FNDC3B: variants seen among roughly 807,000 people sequenced by gnomAD.
FNDC3B encodes the protein fibronectin type III domain-containing protein 3B.
A neutral mutation model predicts 151.5 loss-of-function variants in FNDC3B; 12 were observed. That is an observed-to-expected ratio of 0.08 (90% CI 0.05 to 0.13). The LOEUF is 0.13. Ranked by LOEUF, FNDC3B falls within the 10% of genes least tolerant of loss-of-function variation. The probability of loss-of-function intolerance (pLI) is 1.00; values close to 1 mark genes in which losing one functional copy is unlikely to be tolerated. For synonymous variants in FNDC3B, 528 were observed against 549.0 expected, an observed-to-expected ratio of 0.96 and a Z score of 0.54; for missense variants, 1,214 against 1,505.3, an observed-to-expected ratio of 0.81 and a Z score of 3.20.
intron 6 of FNDC3B, among the ~76,000 whole-genome samples, chr3:172,254,278 G>A (rs1435843758): frequency 6.6e-6 from 1 of 151,850 alleles, no homozygotes; most frequent in Non-Finnish European, 1.5e-5. Context: ...CTATGCTTCA[G>A]AAACTTTAAA....
rs564808034 is a variant in FNDC3B at position 172,387,692 on chromosome 3, A to G, written c.3303+6599A>G. Among the ~76,000 whole-genome samples, 6 of 152,312 alleles carry G rather than the reference A, an allele frequency of 3.9e-5. No individual in the cohort carries two copies. The South Asian group carries it at 1.2e-3, about 32-fold the overall frequency. Reference sequence around the variant, plus strand: ...TACCTCTACTTAAAATTCATGTAAAATGAACTGATAGTCACTTTCATGGAG... The same window carrying G: ...TACCTCTACTTAAAATTCATGTAAAGTGAACTGATAGTCACTTTCATGGAG... On this transcript the variant is annotated intron_variant, in intron 25 of 25. Transcript: ENST00000415807.
intron 15 of FNDC3B, chr3:172,335,797 CTAAT>C (rs1054385754): frequency 2.0e-4 from 31 of 151,770 alleles, no homozygotes; most frequent in African/African-American, 7.5e-4. Flanking sequence ...ATAATATTAA[CTAAT>C]AGGCAAAAAA....
intron 4 of FNDC3B, among the ~76,000 whole-genome samples, chr3:172,229,901 C>G (rs1726797750): frequency 6.6e-6 from 1 of 152,074 alleles, no homozygotes; most frequent in South Asian, 2.1e-4. Flanking sequence ...CAAGACAGTT[C>G]ACTGGAGAAA....
chr3:172,362,733 T>C lies in FNDC3B; in HGVS notation c.2896T>C (p.Cys966Arg). The change falls in exon 23 of 26, where the codon TGT becomes CGT. Residue 966 changes from cysteine to arginine, a missense_variant. Physicochemically the swap from Cys to Arg is radical, Grantham distance 180. Coordinates refer to ENST00000415807, the MANE Select transcript of FNDC3B (RefSeq NM_022763.4). Reference protein sequence around the residue: ...PLPPLPPRLECAAAGPQSLKL... With the variant: ...PLPPLPPRLERAAAGPQSLKL... ...ACCACCCTTGCCTCCTAGGCTAGAA[T>C]GTGCTGCTGCTGGTCCTCAGAGCCT... 6.2e-7 allele frequency: 1 copy of C among 1,614,076 alleles called. No individual in the cohort carries two copies. Among genetic ancestry groups the C allele is most frequent in the Non-Finnish European group, 8.5e-7 (1 of 1,179,982 alleles).
At chr3:172,315,917 C>T (rs1731758430) in intron 11 of FNDC3B, among the ~76,000 whole-genome samples, 1 of 152,026 alleles carries the variant, frequency 6.6e-6, no homozygotes, top group African/African-American at 2.4e-5. Context: ...CACACTAATC[C>T]CTTTGACTGC....
intron 16 of FNDC3B, among the ~76,000 whole-genome samples, chr3:172,340,562 A>G (rs1019308268): frequency 6.6e-6 from 1 of 152,186 alleles, no homozygotes; most frequent in Non-Finnish European, 1.5e-5. Flanking sequence ...CTGGGATTAC[A>G]GGCGTGAGCC....
chr3:172,378,270 G>A lies in FNDC3B; in HGVS notation c.3009G>A (p.Arg1003=). The change falls in exon 24 of 26, where the codon AGG becomes AGA. Residue 1003 remains arginine (R), a splice_region_variant and synonymous_variant. Coordinates refer to ENST00000415807, the MANE Select transcript of FNDC3B (RefSeq NM_022763.4). The part of the protein sequence containing the change: ...YTLQLEDRNK[R]FISIYRGPSH... ...TAATTGATTCTGCTCCTTCTTCTAGGTTTATTTCAATCTACAGAGGACCCA... is the reference window on the plus strand; with the variant it reads ...TAATTGATTCTGCTCCTTCTTCTAGATTTATTTCAATCTACAGAGGACCCA... 1 of 1,579,712 alleles carries A rather than the reference G, an allele frequency of 6.3e-7. No homozygotes were observed. Among genetic ancestry groups the A allele is most frequent in the East Asian group, 2.3e-5 (1 of 44,224 alleles).
At chr3:172,382,545 G>T (rs1329693825) in intron 25 of FNDC3B, among the ~76,000 whole-genome samples, 1 of 152,186 alleles carries the variant, frequency 6.6e-6, no homozygotes, top group Admixed American at 6.5e-5. Context: ...CTTTACCCAT[G>T]CCTATGTTCC....
intron 1 of FNDC3B, among the ~76,000 whole-genome samples, chr3:172,072,613 A>G (rs761071410): frequency 1.3e-5 from 2 of 152,160 alleles, no homozygotes; most frequent in South Asian, 4.1e-4. Flanking sequence ...ACATTCCCGC[A>G]TGATTTTCAG....
chr3:172,325,396 A>G (rs1248095632), intron 11 of FNDC3B, among the ~76,000 whole-genome samples: 1 of 152,250 alleles, frequency 6.6e-6, no homozygotes, highest in Non-Finnish European at 1.5e-5. Context: ...CTTCACTGAC[A>G]GGAATGATTT....
intron 25 of FNDC3B, among the ~76,000 whole-genome samples, chr3:172,393,294 A>G (rs1050986964): frequency 2.0e-4 from 31 of 152,220 alleles, no homozygotes; most frequent in Non-Finnish European, 3.4e-4. Flanking sequence ...AAGAGACATT[A>G]TATAATGATA....
intron 4 of FNDC3B, among the ~76,000 whole-genome samples, chr3:172,245,724 C>G (rs554494868): frequency 6.6e-6 from 1 of 152,264 alleles, no homozygotes; most frequent in African/African-American, 2.4e-5. Flanking sequence ...AAATTAGCTT[C>G]CATGCATTCA....
chr3:172,182,837 G>A (rs1208462104), intron 3 of FNDC3B, among the ~76,000 whole-genome samples: 1 of 152,256 alleles, frequency 6.6e-6, no homozygotes, highest in East Asian at 1.9e-4. Flanking sequence ...AAATGGAGAT[G>A]AAGTGTTTTA....
intron 11 of FNDC3B, among the ~76,000 whole-genome samples, chr3:172,312,448 A>G (rs1731552584): frequency 6.6e-6 from 1 of 152,206 alleles, no homozygotes; most frequent in South Asian, 2.1e-4. Flanking sequence ...AAGAAACTCG[A>G]ATGACCTGTG....
At chr3:172,147,332 T>C in intron 3 of FNDC3B, among the ~76,000 whole-genome samples, 1 of 143,786 alleles carries the variant, frequency 7.0e-6, no homozygotes, top group Non-Finnish European at 1.5e-5. Flanking sequence ...AAAAGTGAGG[T>C]GAGAAAATAA....
intron 2 of FNDC3B, among the ~76,000 whole-genome samples, chr3:172,131,305 A>T (rs1203498347): frequency 6.6e-6 from 1 of 151,680 alleles, no homozygotes; most frequent in Non-Finnish European, 1.5e-5. Context: ...AGGCAGGCGA[A>T]TTGCTTGAAC....
chr3:172,384,647 A>G (rs987919362), intron 25 of FNDC3B, among the ~76,000 whole-genome samples: 1 of 152,306 alleles, frequency 6.6e-6, no homozygotes, highest in Non-Finnish European at 1.5e-5. Context: ...TCTGCTTCCC[A>G]AAGCACAGTG....
rs768743506 is a variant in FNDC3B at position 172,330,714 on chromosome 3, A to G, written c.1553A>G (p.Asn518Ser). The G allele has an allele frequency of 2.3e-5, 37 of 1,611,900 alleles. No homozygotes were observed. Among genetic ancestry groups the G allele is most frequent in the Non-Finnish European group, 2.7e-5 (32 of 1,178,264 alleles). ...ACCTTGGAAATTCAGGAGGATGAAA[A>G]TGTGAGTTTTACAGATTTTATACTT... Reference protein sequence around the residue: ...TYTLEIQEDENDNLFHPKYTG... With the variant: ...TYTLEIQEDESDNLFHPKYTG... Residue 518 changes from asparagine (N) to serine (S), a missense_variant and splice_region_variant, in exon 13 of 26, where the codon AAT (asparagine) becomes AGT (serine). Transcript: ENST00000415807.
rs1254117705 is a variant in FNDC3B, at chr3:172,330,594, C to T, written c.1433C>T (p.Pro478Leu). The T allele has an allele frequency of 1.2e-6, 2 of 1,614,176 alleles. No homozygotes were observed. Among genetic ancestry groups the T allele is most frequent in the African/African-American group, 1.3e-5 (1 of 75,056 alleles). Residue 478 changes from proline to leucine, a missense_variant, in exon 13 of 26, where the codon CCT (proline) becomes CTT (leucine). Physicochemically the swap from Pro to Leu is moderately conservative, Grantham distance 98 (BLOSUM62 -3). Transcript: ENST00000415807. ...ACATTAGGAAATATCCCTCAGATGC[C>T]TTCTGCACCAAGGCTGGTTCGAGCT... The part of the protein sequence containing the change: ...CYTLGNIPQM[P>L]SAPRLVRAGI...
Sources: gnomAD v4.1 joint callset for allele counts (sites outside exome capture counted in the v4.1 genomes callset) on GRCh38, gnomAD v4.1.1 for gene constraint, MANE v1.5 for transcripts, NCBI Gene and HGNC (gene_info 2026-07-23, HGNC 2026-07-21) for gene names.